CNTN4: variants seen among roughly 807,000 people sequenced by gnomAD.
CNTN4 encodes contactin 4.
A neutral mutation model predicts 122.5 loss-of-function variants in CNTN4; 77 were observed. That is an observed-to-expected ratio of 0.63 (90% CI 0.52 to 0.76). The LOEUF is 0.76. CNTN4 is among the 30% of genes least tolerant of loss of function. The probability of loss-of-function intolerance (pLI) is 0.00; values close to 1 mark genes in which losing one functional copy is unlikely to be tolerated. For missense variants in CNTN4, 1,256 were observed against 1,259.1 expected, an observed-to-expected ratio of 1.00 and a Z score of 0.04; for synonymous variants, 512 against 447.0, an observed-to-expected ratio of 1.15 and a Z score of -1.83.
intron 2 of CNTN4, among the ~76,000 whole-genome samples, chr3:2,262,740 G>A (rs368911973): frequency 6.6e-6 from 1 of 151,752 alleles, no homozygotes; most frequent in African/African-American, 2.4e-5. Flanking sequence ...ACTTAGTTAG[G>A]GTTAGACTTG....
chr3:2,175,791 C>G (rs2036723543), intron 2 of CNTN4, among the ~76,000 whole-genome samples: 1 of 152,156 alleles, frequency 6.6e-6, no homozygotes, highest in South Asian at 2.1e-4. Context: ...CTGATCTGAT[C>G]ATACAGACAG....
chr3:2,202,202 T>C lies in CNTN4; in HGVS notation c.-145+101563T>C, dbSNP rs371194130. The stretch of plus-strand genomic sequence containing the variant: ...TTAAGCAGTTCTTCATTTTGAAGGA[T>C]ACATATAGATCCAGAAACATTTTCT... On this transcript the variant is annotated intron_variant, in intron 2 of 24. Coordinates refer to ENST00000418658, the MANE Select transcript of CNTN4 (RefSeq NM_175607.3). Among the ~76,000 whole-genome samples, 5 of 152,294 alleles carry C rather than the reference T, an allele frequency of 3.3e-5. No homozygotes were observed. In the East Asian group the frequency reaches 7.7e-4, roughly 24 times the overall value.
chr3:2,176,367 G>A (rs747267711), intron 2 of CNTN4, among the ~76,000 whole-genome samples: 54 of 152,014 alleles, frequency 3.6e-4, no homozygotes, highest in Non-Finnish European at 5.0e-4. Flanking sequence ...TTAGTGAGTG[G>A]TACTATGATT....
chr3:2,449,513 G>A (rs1398256357), intron 3 of CNTN4, among the ~76,000 whole-genome samples: 1 of 151,772 alleles, frequency 6.6e-6, no homozygotes, highest in African/African-American at 2.4e-5. Context: ...TACTAGGGAG[G>A]TTGAGGCAAG....
chr3:2,818,426 G>A (rs544396109), intron 6 of CNTN4, among the ~76,000 whole-genome samples: 7 of 152,168 alleles, frequency 4.6e-5, no homozygotes, highest in African/African-American at 1.7e-4. Flanking sequence ...TGGCCAGCAT[G>A]GAGGAAATCA....
intron 6 of CNTN4, among the ~76,000 whole-genome samples, chr3:2,789,664 C>G (rs1000918184): frequency 6.6e-6 from 1 of 152,224 alleles, no homozygotes; most frequent in Non-Finnish European, 1.5e-5. Flanking sequence ...CTCCTGACTT[C>G]AAGTGATCCA....
intron 6 of CNTN4, among the ~76,000 whole-genome samples, chr3:2,767,172 G>A (rs1161393685): frequency 6.6e-6 from 1 of 152,202 alleles, no homozygotes; most frequent in Non-Finnish European, 1.5e-5. Context: ...GGTAAGAAAG[G>A]CAACCTTGAA....
intron 2 of CNTN4, among the ~76,000 whole-genome samples, chr3:2,129,812 T>C (rs1442416921): frequency 6.6e-6 from 1 of 151,868 alleles, no homozygotes; most frequent in Admixed American, 6.6e-5. Flanking sequence ...AAATACATAG[T>C]ATATATATAA....
chr3:2,917,089 T>C (rs7428568), intron 12 of CNTN4, among the ~76,000 whole-genome samples: 13,368 of 91,234 alleles, frequency 0.15, 2,074 homozygotes, highest in East Asian at 0.26. Flanking sequence ...CACTCGCGGT[T>C]AGGAGCTGGA....
intron 2 of CNTN4, among the ~76,000 whole-genome samples, chr3:2,211,006 G>C (rs2038591859): frequency 6.6e-6 from 1 of 152,134 alleles, no homozygotes; most frequent in Non-Finnish European, 1.5e-5. Context: ...TTGCATTGCT[G>C]TCAAGAAATA....
chr3:2,951,003 C>A (rs1378880995), intron 13 of CNTN4, among the ~76,000 whole-genome samples: 1 of 152,148 alleles, frequency 6.6e-6, no homozygotes, highest in African/African-American at 2.4e-5. Context: ...TCACTTTGGG[C>A]AGGTTACTTA....
intron 10 of CNTN4, among the ~76,000 whole-genome samples, chr3:2,896,221 C>CT (rs1323823846): frequency 6.6e-6 from 1 of 151,950 alleles, no homozygotes; most frequent in African/African-American, 2.4e-5. Context: ...TCTCAAGGTA[C>CT]TTTTTTTAGC....
At chr3:2,107,419 A>C (rs1313570613) in intron 2 of CNTN4, among the ~76,000 whole-genome samples, 1 of 152,134 alleles carries the variant, frequency 6.6e-6, no homozygotes, top group African/African-American at 2.4e-5. Flanking sequence ...TATATCTTAC[A>C]TGGCAGCAAG....
chr3:2,939,473 A>C (rs992765322), intron 13 of CNTN4, among the ~76,000 whole-genome samples: 9 of 152,184 alleles, frequency 5.9e-5, no homozygotes, highest in Non-Finnish European at 1.2e-4. Flanking sequence ...TTCCCACATG[A>C]AACAACATGA....
intron 3 of CNTN4, among the ~76,000 whole-genome samples, chr3:2,343,338 C>T (rs1471464762): frequency 2.0e-5 from 3 of 152,176 alleles, no homozygotes; most frequent in Non-Finnish European, 2.9e-5. Flanking sequence ...ACCAGTCACA[C>T]TGGTCACGGG....
chr3:2,242,051 G>A lies in CNTN4; in HGVS notation c.-144-97127G>A, dbSNP rs140711254. Among the ~76,000 whole-genome samples, 423 of 152,016 alleles carry A rather than the reference G, an allele frequency of 2.8e-3. 2 individuals are homozygous for A. Among genetic ancestry groups the A allele is most frequent in the African/African-American group, 9.8e-3 (406 of 41,472 alleles). On this transcript the variant is annotated intron_variant, in intron 2 of 24. Transcript: ENST00000418658. ...TCTGCATACATGGTCTTAGGTATTG[G>A]GTGAAAGACCATCAAAAACTTATAT... is the stretch of plus-strand genomic sequence containing the variant.
chr3:2,240,916 T>C (rs1164045843), intron 2 of CNTN4, among the ~76,000 whole-genome samples: 1 of 152,184 alleles, frequency 6.6e-6, no homozygotes, highest in Non-Finnish European at 1.5e-5. Context: ...ATTGTTTTCA[T>C]TGCAATTGCT....
chr3:2,446,208 A>G (rs773036622), intron 3 of CNTN4, among the ~76,000 whole-genome samples: 2 of 152,048 alleles, frequency 1.3e-5, no homozygotes, highest in Non-Finnish European at 2.9e-5. Flanking sequence ...AGTGGGAGAC[A>G]TTTTTTCAGT....
At chr3:2,472,951 C>G (rs910818490) in intron 3 of CNTN4, among the ~76,000 whole-genome samples, 3 of 151,910 alleles carry the variant, frequency 2.0e-5, no homozygotes, top group African/African-American at 7.2e-5. Context: ...CTAGCATAGT[C>G]GGCAGGGCGT....
Sources: allele counts gnomAD v4.1 joint callset (sites outside exome capture counted in the v4.1 genomes callset), GRCh38; gene constraint gnomAD v4.1.1; transcripts MANE v1.5; gene names NCBI Gene and HGNC (gene_info 2026-07-23, HGNC 2026-07-21).